The following KDM7A variants were observed in gnomAD, a reference collection of about 807,000 sequenced individuals.
KDM7A encodes the protein lysine-specific demethylase 7A.
In KDM7A, 28 loss-of-function variants were observed where a neutral mutation model predicts 114.8. The observed-to-expected ratio is 0.24, with a 90% CI of 0.18 to 0.33. The LOEUF (loss-of-function observed/expected upper bound fraction) is 0.33. Among genes scored for constraint, KDM7A ranks in the 10% least tolerant of loss-of-function variants. The pLI, the probability that KDM7A is intolerant of heterozygous loss-of-function variation, is 1.00. For missense variants in KDM7A, 942 were observed against 1,142.5 expected, an observed-to-expected ratio of 0.82 and a Z score of 2.53; for synonymous variants, 423 against 397.8, an observed-to-expected ratio of 1.06 and a Z score of -0.75.
Position 140,176,616 on chromosome 7 carries a change from A to T in KDM7A, c.194+128T>A. ...CCACTGCCCGGCCGGGGGGCTAGGCACCGGGGCCCCCTGAAAGCTGGGCGC... is the reference window on the plus strand; with the variant it reads ...CCACTGCCCGGCCGGGGGGCTAGGCTCCGGGGCCCCCTGAAAGCTGGGCGC... On this transcript the variant is annotated intron_variant, in intron 1 of 19. Transcript: ENST00000397560. This position sits in a 1 kb window ranked among gnomAD's most constrained non-coding sequence, Gnocchi z 4.4. 1.5e-6 allele frequency: 1 copy of T among 647,360 alleles called. No individual in the cohort carries two copies. Among genetic ancestry groups the T allele is most frequent in the Non-Finnish European group, 1.9e-6 (1 of 523,554 alleles). 40.1% of individuals were successfully genotyped at this position (647,360 alleles called of 1,614,324 possible). A position where few individuals can be genotyped will look rare whatever the true frequency, so the allele number is the denominator to read the frequency against.
At chr7:140,097,671 G>T in intron 14 of KDM7A, 29 bp from the exon 15 acceptor site, 1 of 1,314,660 alleles carries the variant, frequency 7.6e-7, no homozygotes, top group South Asian at 1.2e-5. Context: ...ATGAGAAAAA[G>T]AGAAAGTCAT....
At chr7:140,142,603 C>T (rs911927894) in intron 1 of KDM7A, among the ~76,000 whole-genome samples, 2 of 152,066 alleles carry the variant, frequency 1.3e-5, no homozygotes, top group African/African-American at 4.8e-5. Context: ...AACTAAAAAG[C>T]CTGATGATAC....
chr7:140,111,879 A>T (rs964168923), intron 10 of KDM7A, among the ~76,000 whole-genome samples: 1 of 150,792 alleles, frequency 6.6e-6, no homozygotes, highest in Admixed American at 6.6e-5. Flanking sequence ...CAGGAAGTGG[A>T]GGTTGCAGTG....
chr7:140,125,790 C>T (rs1461396703), intron 6 of KDM7A, among the ~76,000 whole-genome samples: 2 of 152,148 alleles, frequency 1.3e-5, no homozygotes, highest in Non-Finnish European at 2.9e-5. Context: ...GGCTGGAGTG[C>T]AGTGGAGTGA....
At position 140,105,654 on chromosome 7, in the gene KDM7A, G is replaced by A. The variant is rs1393825116; in HGVS notation, c.1429-3494C>T. 3.9e-5 allele frequency among the ~76,000 whole-genome samples: 6 copies of A among 152,300 alleles called. No individual in the cohort carries two copies. In the East Asian group the frequency reaches 1.2e-3, roughly 29 times the overall value. ...GGATGAAGCTGACTTGATCGTGGTG[G>A]ATAAGCTTTTTGATGTGCTGCTGGA... On this transcript the variant is annotated intron_variant, in intron 11 of 19. Coordinates refer to ENST00000397560, the MANE Select transcript of KDM7A (RefSeq NM_030647.2).
intron 9 of KDM7A, among the ~76,000 whole-genome samples, chr7:140,116,088 T>G (rs1199786478): frequency 2.0e-5 from 3 of 152,174 alleles, no homozygotes; most frequent in Non-Finnish European, 2.9e-5. Context: ...AAATGGGAAT[T>G]GGAAACAATT....
At chr7:140,113,980 A>G (rs1818472777) in intron 9 of KDM7A, among the ~76,000 whole-genome samples, 1 of 152,210 alleles carries the variant, frequency 6.6e-6, no homozygotes, top group Non-Finnish European at 1.5e-5. Flanking sequence ...CACACATACC[A>G]TATTAAAAAA....
At chr7:140,126,328 G>A (rs1818701631) in intron 6 of KDM7A, among the ~76,000 whole-genome samples, 1 of 151,804 alleles carries the variant, frequency 6.6e-6, no homozygotes, top group Non-Finnish European at 1.5e-5. Context: ...TTAATTCAGG[G>A]ATTAAAGGAT....
intron 12 of KDM7A, among the ~76,000 whole-genome samples, chr7:140,100,660 TTA>T (rs1244353345): frequency 0.076 from 8,412 of 110,656 alleles, 487 homozygotes; most frequent in Non-Finnish European, 0.11. Context: ...TTTTAAAAAG[TTA>T]TATATATATA....
intron 1 of KDM7A, among the ~76,000 whole-genome samples, chr7:140,168,386 T>C (rs1794601329): frequency 6.6e-6 from 1 of 151,978 alleles, no homozygotes; most frequent in South Asian, 2.1e-4. Context: ...ACCAACATGG[T>C]GAAACTCTGT....
intron 1 of KDM7A, among the ~76,000 whole-genome samples, chr7:140,163,371 C>T (rs1338088585): frequency 6.6e-6 from 1 of 152,066 alleles, no homozygotes; most frequent in East Asian, 1.9e-4. Flanking sequence ...TCTTAGCGCA[C>T]TGAAGCCTCA....
At chr7:140,108,860 C>T (rs1290468223) in intron 11 of KDM7A, among the ~76,000 whole-genome samples, 6 of 152,188 alleles carry the variant, frequency 3.9e-5, no homozygotes, top group Admixed American at 6.5e-5. Context: ...CTATGCCCTG[C>T]CCCCAGAGGT....
intron 11 of KDM7A, among the ~76,000 whole-genome samples, chr7:140,105,432 A>T (rs538230596): frequency 1.2e-4 from 19 of 152,264 alleles, no homozygotes; most frequent in Admixed American, 8.5e-4. Flanking sequence ...GTTTGTCATA[A>T]ATAGCTCTTA....
chr7:140,092,911 G>C (rs1818046349), intron 18 of KDM7A, among the ~76,000 whole-genome samples: 1 of 152,018 alleles, frequency 6.6e-6, no homozygotes, highest in Non-Finnish European at 1.5e-5. Flanking sequence ...ACACCGAAAA[G>C]TAAATTATAA....
chr7:140,090,746 A>C lies in KDM7A; in HGVS notation c.*348T>G, dbSNP rs1818003898. 4.6e-6 allele frequency: 1 copy of C among 217,072 alleles called. No individual in the cohort carries two copies. Among genetic ancestry groups the C allele is most frequent in the South Asian group, 1.8e-4 (1 of 5,610 alleles). 13.4% of individuals were successfully genotyped at this position (217,072 alleles called of 1,614,324 possible). The stretch of plus-strand genomic sequence containing the variant: ...AATTTAAAAGCTGTTAACTTTAAAA[A>C]AAAATCTGTTAAATAAATTATTGAT... On this transcript the variant is annotated 3_prime_UTR_variant, in exon 20 of 20. Coordinates refer to ENST00000397560, the MANE Select transcript of KDM7A (RefSeq NM_030647.2).
chr7:140,110,279 T>G (rs1315141181), intron 11 of KDM7A, among the ~76,000 whole-genome samples: 1 of 152,204 alleles, frequency 6.6e-6, no homozygotes, highest in Non-Finnish European at 1.5e-5. Flanking sequence ...ACATATATAT[T>G]TAAGATTAGA....
chr7:140,155,647 C>CT (rs1794450234), intron 1 of KDM7A, among the ~76,000 whole-genome samples: 1 of 152,144 alleles, frequency 6.6e-6, no homozygotes, highest in Non-Finnish European at 1.5e-5. Context: ...TCAAAGCAGA[C>CT]TAACAGGCAA....
chr7:140,150,471 T>G (rs1794386710), intron 1 of KDM7A, among the ~76,000 whole-genome samples: 1 of 152,210 alleles, frequency 6.6e-6, no homozygotes, highest in African/African-American at 2.4e-5. Context: ...TTCAAAAGAA[T>G]GATGCAGCTC....
intron 6 of KDM7A, 48 bp downstream of exon 6, chr7:140,126,589 G>A: frequency 8.4e-7 from 1 of 1,194,390 alleles, no homozygotes; most frequent in Non-Finnish European, 1.2e-6. Flanking sequence ...GAAAAACTAG[G>A]GCTATATGTT....
Sources: gnomAD v4.1 joint callset for allele counts (sites outside exome capture counted in the v4.1 genomes callset) on GRCh38, gnomAD v4.1.1 for gene constraint, Gnocchi (gnomAD v3.1) non-coding constraint, MANE v1.5 for transcripts, NCBI Gene and HGNC (gene_info 2026-07-23, HGNC 2026-07-21) for gene names.